NIPAL3: variants seen among roughly 807,000 people sequenced by gnomAD.
NIPAL3 encodes the protein NIPA-like protein 3.
Under a neutral mutation model 47.2 loss-of-function variants are expected in NIPAL3, and 41 were observed. That is an observed-to-expected ratio of 0.87 (90% CI 0.68 to 1.13). The LOEUF (loss-of-function observed/expected upper bound fraction) is 1.13, where lower values mean the gene tolerates loss of function less well. Ranked by LOEUF, NIPAL3 falls within the 50% of genes most tolerant of loss-of-function variation. NIPAL3 has a pLI of 0.00. For synonymous variants in NIPAL3, 194 were observed against 209.6 expected (o/e 0.93, Z 0.64); for missense variants, 449 against 530.1 (o/e 0.85, Z 1.50).
chr1:24,444,448 T>C (rs965332488), intron 4 of NIPAL3, among the ~76,000 whole-genome samples: 8 of 152,196 alleles, frequency 5.3e-5, no homozygotes, highest in African/African-American at 1.9e-4. Flanking sequence ...TCACTCCCAC[T>C]GTGGCTGATT....
At position 24,469,550 on chromosome 1, in the gene NIPAL3, G is replaced by T. The variant is rs552911951; in HGVS notation, c.*365G>T. The T allele has an allele frequency of 3.7e-5, 7 of 187,336 alleles. No homozygotes were observed. The East Asian group carries it at 9.1e-4, about 24-fold the overall frequency. The allele number at this position is 187,336 out of a possible 1,614,324, so 11.6% of individuals were successfully genotyped here. A position where few individuals can be genotyped will look rare whatever the true frequency, so the allele number is the denominator to read the frequency against. On this transcript the variant is annotated 3_prime_UTR_variant, in exon 12 of 12. Transcript: ENST00000374399. The stretch of plus-strand genomic sequence containing the variant: ...GCTAAGGCAAGACAGAGAGTCTGCT[G>T]TTAATTCTCAAATCCAGCGAAAGGC...
At chr1:24,428,306 C>G (rs1402192418) in intron 2 of NIPAL3, among the ~76,000 whole-genome samples, 20 of 79,182 alleles carry the variant, frequency 2.5e-4, no homozygotes, top group East Asian at 4.4e-4. Flanking sequence ...GAGAGAGACA[C>G]CAGAACCTTT....
chr1:24,447,662 C>T (rs1645734294), intron 5 of NIPAL3, among the ~76,000 whole-genome samples: 5 of 152,212 alleles, frequency 3.3e-5, no homozygotes, highest in Middle Eastern at 3.4e-3. Flanking sequence ...TGATGGGGCA[C>T]GGGGGTTAGG....
intron 8 of NIPAL3, chr1:24,457,779 C>T (rs1646287218): frequency 1.9e-6 from 1 of 533,332 alleles, no homozygotes; most frequent in Non-Finnish European, 3.8e-6. Flanking sequence ...ACAACAGTCC[C>T]TACCTAAGAG....
chr1:24,443,337 CCATT>C (rs2148812893), intron 4 of NIPAL3, among the ~76,000 whole-genome samples: 1 of 152,304 alleles, frequency 6.6e-6, no homozygotes, highest in Non-Finnish European at 1.5e-5. Flanking sequence ...ATATTTCTTT[CCATT>C]TTGCTGGCAA....
chr1:24,417,473 G>A (rs1410035234), intron 1 of NIPAL3, among the ~76,000 whole-genome samples: 3 of 152,206 alleles, frequency 2.0e-5, no homozygotes, highest in Admixed American at 6.5e-5. Flanking sequence ...ACATGTACGT[G>A]AAAGTATAGT....
chr1:24,442,476 G>A (rs1205600894), intron 4 of NIPAL3, among the ~76,000 whole-genome samples: 1 of 152,166 alleles, frequency 6.6e-6, no homozygotes, highest in African/African-American at 2.4e-5. Context: ...ACTGAGGCAC[G>A]GGGTAATGAA....
chr1:24,430,669 A>T (rs1397800592), intron 2 of NIPAL3, among the ~76,000 whole-genome samples: 1 of 152,222 alleles, frequency 6.6e-6, no homozygotes, highest in Non-Finnish European at 1.5e-5. Context: ...TTCAAAGCAA[A>T]GTACTGGACA....
intron 7 of NIPAL3, among the ~76,000 whole-genome samples, chr1:24,453,859 T>C (rs1646060452): frequency 6.6e-6 from 1 of 152,150 alleles, no homozygotes; most frequent in Non-Finnish European, 1.5e-5. Flanking sequence ...GCCCCAGCGA[T>C]TGAGCCCTGA....
intron 2 of NIPAL3, among the ~76,000 whole-genome samples, chr1:24,429,736 T>A (rs1167014639): frequency 1.3e-5 from 2 of 152,226 alleles, no homozygotes; most frequent in Non-Finnish European, 2.9e-5. Flanking sequence ...AGAGGTTAGT[T>A]GATGCTTTGA....
intron 2 of NIPAL3, among the ~76,000 whole-genome samples, chr1:24,439,492 G>T (rs537773272): frequency 1.6e-4 from 25 of 152,114 alleles, no homozygotes; most frequent in African/African-American, 5.8e-4. Context: ...TTATCTCTGG[G>T]TTATAGAATT....
chr1:24,417,832 C>A (rs111657208), intron 1 of NIPAL3, among the ~76,000 whole-genome samples: 93 of 152,336 alleles, frequency 6.1e-4, no homozygotes, highest in African/African-American at 2.2e-3. Context: ...GCAGAAGGAA[C>A]TGGAAGCTAC....
At chr1:24,466,843 C>T (rs1481276677) in intron 11 of NIPAL3, among the ~76,000 whole-genome samples, 1 of 152,182 alleles carries the variant, frequency 6.6e-6, no homozygotes, top group Non-Finnish European at 1.5e-5. Flanking sequence ...TCTGCCCTCC[C>T]CCAAAATCCA....
Position 24,470,291 on chromosome 1 carries a change from T to C in NIPAL3, c.*1106T>C, listed in dbSNP as rs1214817529. 1 of 152,226 alleles carries C rather than the reference T, an allele frequency of 6.6e-6. No individual in the cohort carries two copies. Among genetic ancestry groups the C allele is most frequent in the Non-Finnish European group, 1.5e-5 (1 of 68,060 alleles). The allele number at this position is 152,226 out of a possible 1,614,324, so 9.4% of individuals were successfully genotyped here. A position where few individuals can be genotyped will look rare whatever the true frequency, so the allele number is the denominator to read the frequency against. ...TTCCCCTAGACTGATGGTATACTTTTGAGAGGGGCGGATAAAGGTTTGCAA... is the reference window on the plus strand; with the variant it reads ...TTCCCCTAGACTGATGGTATACTTTCGAGAGGGGCGGATAAAGGTTTGCAA... On this transcript the variant is annotated 3_prime_UTR_variant, in exon 12 of 12. Transcript: ENST00000374399.
chr1:24,414,837 AT>A (rs1018815861), upstream of NIPAL3: 16 of 152,076 alleles, frequency 1.1e-4, no homozygotes, highest in African/African-American at 3.4e-4. Context: ...GCCCCCAAAT[AT>A]GTTATTTATA....
intron 5 of NIPAL3, among the ~76,000 whole-genome samples, chr1:24,448,014 C>T (rs777228515): frequency 2.0e-5 from 3 of 152,194 alleles, no homozygotes; most frequent in Non-Finnish European, 4.4e-5. Flanking sequence ...CCCATCCCTG[C>T]CTGAAGAAAA....
intron 5 of NIPAL3, among the ~76,000 whole-genome samples, chr1:24,446,264 C>T (rs1285341747): frequency 6.6e-6 from 1 of 152,004 alleles, no homozygotes; most frequent in Non-Finnish European, 1.5e-5. Context: ...GGTGATTTTT[C>T]CCCCCAACTT....
At chr1:24,427,664 G>A (rs1325515911) in intron 2 of NIPAL3, among the ~76,000 whole-genome samples, 2 of 152,170 alleles carry the variant, frequency 1.3e-5, no homozygotes, top group African/African-American at 4.8e-5. Context: ...CTGGAAGTCA[G>A]GCTTAGATGC....
chr1:24,440,628 T>TC (rs961721382), intron 3 of NIPAL3, among the ~76,000 whole-genome samples: 4 of 152,198 alleles, frequency 2.6e-5, no homozygotes, highest in African/African-American at 7.2e-5. Flanking sequence ...CTGCTGTGGA[T>TC]CCCCCCACTG....
Sources: gnomAD v4.1 joint callset for allele counts (sites outside exome capture counted in the v4.1 genomes callset) on GRCh38, gnomAD v4.1.1 for gene constraint, MANE v1.5 for transcripts, NCBI Gene and HGNC (gene_info 2026-07-23, HGNC 2026-07-21) for gene names.